Variants in GABRB1 observed in about 807,000 individuals in gnomAD.
GABRB1 encodes gamma-aminobutyric acid receptor subunit beta-1.
GABRB1 carries 17 observed loss-of-function variants against 51.6 expected under a neutral mutation model. The observed-to-expected ratio is 0.33, with a 90% CI of 0.23 to 0.49. The LOEUF (loss-of-function observed/expected upper bound fraction) is 0.49. GABRB1 is among the 20% of genes least tolerant of loss of function. The pLI is 0.99. For missense variants in GABRB1, 410 were observed against 600.6 expected (o/e 0.68, Z 3.32); for synonymous variants, 247 against 218.9 (o/e 1.13, Z -1.14).
intron 3 of GABRB1, among the ~76,000 whole-genome samples, chr4:47,102,476 A>C (rs908814594): frequency 6.6e-6 from 1 of 152,014 alleles, no homozygotes; most frequent in Non-Finnish European, 1.5e-5. Flanking sequence ...GAAGAGTGCA[A>C]AGAGCAATGG....
intron 4 of GABRB1, among the ~76,000 whole-genome samples, chr4:47,195,013 C>A (rs1055918832): frequency 6.6e-6 from 1 of 152,144 alleles, no homozygotes. Flanking sequence ...ATTAGTTTCA[C>A]AGTGATTCTA....
At chr4:47,102,864 A>T (rs1361656639) in intron 3 of GABRB1, among the ~76,000 whole-genome samples, 1 of 152,076 alleles carries the variant, frequency 6.6e-6, no homozygotes, top group East Asian at 1.9e-4. Context: ...TTATTGTAAC[A>T]GTCTAGGTGA....
At chr4:47,171,394 A>T (rs1718429970) in intron 4 of GABRB1, among the ~76,000 whole-genome samples, 2 of 152,152 alleles carry the variant, frequency 1.3e-5, no homozygotes, top group South Asian at 4.1e-4. Flanking sequence ...ATTAGAAATG[A>T]CACCACTTCT....
At chr4:47,220,559 C>T (rs530540873) in intron 4 of GABRB1, among the ~76,000 whole-genome samples, 1 of 151,968 alleles carries the variant, frequency 6.6e-6, no homozygotes, top group Middle Eastern at 3.4e-3. Flanking sequence ...GGGGCTTTAC[C>T]GGTAATGAAA....
At chr4:47,336,602 C>G (rs1338899777) in intron 5 of GABRB1, among the ~76,000 whole-genome samples, 2 of 151,942 alleles carry the variant, frequency 1.3e-5, no homozygotes, top group Non-Finnish European at 2.9e-5. Context: ...AGGAGAAAAC[C>G]TAGGAGAGAA....
At chr4:47,100,394 T>C (rs1714671137) in intron 3 of GABRB1, among the ~76,000 whole-genome samples, 1 of 152,058 alleles carries the variant, frequency 6.6e-6, no homozygotes, top group Non-Finnish European at 1.5e-5. Context: ...TGGTTAAACC[T>C]CTTGAGGAAA....
At chr4:47,382,557 T>G (rs1727631183) in intron 5 of GABRB1, among the ~76,000 whole-genome samples, 1 of 152,230 alleles carries the variant, frequency 6.6e-6, no homozygotes, top group Non-Finnish European at 1.5e-5. Context: ...CACAGATTAT[T>G]GGCCCCATTT....
chr4:47,413,008 G>A (rs1429052982), intron 8 of GABRB1, among the ~76,000 whole-genome samples: 2 of 152,310 alleles, frequency 1.3e-5, no homozygotes, highest in South Asian at 2.1e-4. Flanking sequence ...GGGTGAAAAA[G>A]GAAAGGGAAG....
intron 3 of GABRB1, among the ~76,000 whole-genome samples, chr4:47,113,031 G>T (rs747260984): frequency 5.7e-4 from 86 of 152,120 alleles, no homozygotes; most frequent in Non-Finnish European, 1.0e-3. Context: ...TAGAAGGTTG[G>T]ATGGGAAAGG....
intron 4 of GABRB1, among the ~76,000 whole-genome samples, chr4:47,294,386 T>C (rs1723878318): frequency 6.6e-6 from 1 of 152,116 alleles, no homozygotes; most frequent in Admixed American, 6.5e-5. Context: ...ACCTGGAAAA[T>C]CGGGTCACTC....
chr4:47,342,732 A>G (rs1725948729), intron 5 of GABRB1, among the ~76,000 whole-genome samples: 1 of 152,126 alleles, frequency 6.6e-6, no homozygotes, highest in Non-Finnish European at 1.5e-5. Context: ...AGAATCCATC[A>G]ATGTGGTCCA....
At chr4:47,360,557 G>A (rs1444660037) in intron 5 of GABRB1, among the ~76,000 whole-genome samples, 2 of 151,970 alleles carry the variant, frequency 1.3e-5, no homozygotes, top group African/African-American at 4.8e-5. Flanking sequence ...ATAAAACCTT[G>A]TTTCAAAGGT....
At chr4:47,403,823 A>G in intron 7 of GABRB1, 112 bp downstream of exon 7, 4 of 947,180 alleles carry the variant, frequency 4.2e-6, no homozygotes, top group South Asian at 3.4e-5. Flanking sequence ...GAATTAGATC[A>G]TCTTACAAGT....
At chr4:47,119,279 A>T (rs1335222018) in intron 3 of GABRB1, among the ~76,000 whole-genome samples, 2 of 152,190 alleles carry the variant, frequency 1.3e-5, no homozygotes, top group East Asian at 3.9e-4. Context: ...CCCCAAATAA[A>T]TTTCAGATAT....
At chr4:47,091,624 C>T (rs1430017150) in intron 3 of GABRB1, among the ~76,000 whole-genome samples, 1 of 152,032 alleles carries the variant, frequency 6.6e-6, no homozygotes, top group African/African-American at 2.4e-5. Context: ...AAGCGCTCTC[C>T]TCTCACCTCC....
intron 3 of GABRB1, among the ~76,000 whole-genome samples, chr4:47,040,899 C>T (rs542154178): frequency 6.6e-6 from 1 of 152,230 alleles, no homozygotes; most frequent in Non-Finnish European, 1.5e-5. Flanking sequence ...GCATACTTTT[C>T]AATCCTTCCA....
chr4:47,323,515 G>C (rs771179715), intron 5 of GABRB1, among the ~76,000 whole-genome samples: 1 of 152,114 alleles, frequency 6.6e-6, no homozygotes, highest in Non-Finnish European at 1.5e-5. Flanking sequence ...TTCTGAAACA[G>C]CTCTTTCTGA....
At chr4:47,058,980 T>C (rs1435077521) in intron 3 of GABRB1, among the ~76,000 whole-genome samples, 1 of 152,244 alleles carries the variant, frequency 6.6e-6, no homozygotes, top group Non-Finnish European at 1.5e-5. Context: ...GAAGTCCATC[T>C]TATTAGTTGA....
At chr4:47,130,016 AG>A (rs939145672) in intron 3 of GABRB1, among the ~76,000 whole-genome samples, 29 of 152,304 alleles carry the variant, frequency 1.9e-4, no homozygotes, top group African/African-American at 7.0e-4. Flanking sequence ...TATGTTGAAA[AG>A]TCTGCTAACA....
Sources: gnomAD v4.1 joint callset for allele counts (sites outside exome capture counted in the v4.1 genomes callset) on GRCh38, gnomAD v4.1.1 for gene constraint, MANE v1.5 for transcripts, NCBI Gene and HGNC (gene_info 2026-07-23, HGNC 2026-07-21) for gene names.